Variants in BTRC observed in about 807,000 individuals in gnomAD.
BTRC encodes the protein beta-transducin repeat containing E3 ubiquitin protein ligase, also known as F-box/WD repeat-containing protein 1A.
A neutral mutation model predicts 85.5 loss-of-function variants in BTRC; 42 were observed. The observed-to-expected ratio is 0.49, with a 90% CI of 0.38 to 0.64. The LOEUF is 0.64. BTRC is among the 30% of genes least tolerant of loss of function. The pLI is 0.00. For synonymous variants in BTRC, 255 were observed against 263.3 expected (o/e 0.97, Z 0.30); for missense variants, 594 against 743.5 (o/e 0.80, Z 2.34).
chr10:101,524,344 A>G (rs1182274771), intron 5 of BTRC, among the ~76,000 whole-genome samples: 1 of 152,190 alleles, frequency 6.6e-6, no homozygotes. Flanking sequence ...ACATGTTACT[A>G]TCTCAAGCTT....
chr10:101,544,808 C>T (rs866551286), intron 13 of BTRC, among the ~76,000 whole-genome samples: 6 of 152,074 alleles, frequency 3.9e-5, no homozygotes, highest in Admixed American at 2.0e-4. Flanking sequence ...CCTGTAATCC[C>T]AGCACTTTGG....
At chr10:101,445,404 C>T (rs1246346446) in intron 2 of BTRC, among the ~76,000 whole-genome samples, 1 of 152,208 alleles carries the variant, frequency 6.6e-6, no homozygotes, top group Admixed American at 6.5e-5. Context: ...TATATTTCAA[C>T]TGCTGAGCAT....
intron 3 of BTRC, among the ~76,000 whole-genome samples, chr10:101,477,683 T>C (rs1945726212): frequency 6.6e-6 from 1 of 152,154 alleles, no homozygotes; most frequent in African/African-American, 2.4e-5. Context: ...AATGTCTTGC[T>C]CTGTTGCCCA....
chr10:101,395,351 C>G (rs1206260656), intron 1 of BTRC, among the ~76,000 whole-genome samples: 4 of 152,106 alleles, frequency 2.6e-5, no homozygotes, highest in Non-Finnish European at 5.9e-5. Flanking sequence ...TTTCCCAACA[C>G]CCTCTGTGCT....
chr10:101,354,078 C>T (rs538592524), upstream of BTRC: 4 of 1,354,060 alleles, frequency 3.0e-6, no homozygotes, highest in African/African-American at 1.5e-5. Flanking sequence ...TAAGAGAGGG[C>T]GGGGGGAAGG....
chr10:101,439,668 A>G (rs1321914757), intron 2 of BTRC, among the ~76,000 whole-genome samples: 1 of 152,242 alleles, frequency 6.6e-6, no homozygotes, highest in Non-Finnish European at 1.5e-5. Flanking sequence ...GAAAAGGGAC[A>G]GTGTTAAAGA....
chr10:101,367,927 C>T (rs1302477205), intron 1 of BTRC, among the ~76,000 whole-genome samples: 3 of 152,154 alleles, frequency 2.0e-5, no homozygotes, highest in Non-Finnish European at 4.4e-5. Flanking sequence ...TTTCCTTAAA[C>T]ATATGTACAT....
At chr10:101,398,175 G>T (rs982360857) in intron 1 of BTRC, among the ~76,000 whole-genome samples, 3 of 152,116 alleles carry the variant, frequency 2.0e-5, no homozygotes, top group African/African-American at 7.2e-5. Flanking sequence ...GTATTAAGTG[G>T]TTTAAGAGCA....
chr10:101,519,075 T>C (rs908444785), intron 4 of BTRC, among the ~76,000 whole-genome samples: 2 of 55,712 alleles, frequency 3.6e-5, no homozygotes, highest in South Asian at 4.5e-4. Flanking sequence ...TCTTCTCAGC[T>C]TTTTTTTTTT....
intron 6 of BTRC, among the ~76,000 whole-genome samples, chr10:101,527,396 A>C (rs2062208070): frequency 6.6e-6 from 1 of 152,152 alleles, no homozygotes; most frequent in Admixed American, 6.5e-5. Context: ...AGACTGTTTA[A>C]ATTTTTCTCT....
intron 4 of BTRC, among the ~76,000 whole-genome samples, chr10:101,506,006 C>T (rs562851410): frequency 1.3e-5 from 2 of 152,170 alleles, no homozygotes; most frequent in Admixed American, 6.5e-5. Context: ...CCTCCGCCTC[C>T]AGGATTCAAG....
rs1000085493 is a variant in BTRC, at chr10:101,483,447, G to T, written c.324+3990G>T. The stretch of plus-strand genomic sequence containing the variant: ...GTCTATACTAAAAGTATAAAAATTA[G>T]CTGGGCGTGGTGGCACATGCCTATA... On this transcript the variant is annotated intron_variant, in intron 4 of 14. Coordinates refer to ENST00000370187, the MANE Select transcript of BTRC (RefSeq NM_033637.4). Among the ~76,000 whole-genome samples, 7 of 152,248 alleles carry T rather than the reference G, an allele frequency of 4.6e-5. No homozygotes were observed. The South Asian group carries it at 6.2e-4, about 14-fold the overall frequency.
At chr10:101,505,293 C>G (rs983043945) in intron 4 of BTRC, among the ~76,000 whole-genome samples, 2 of 149,684 alleles carry the variant, frequency 1.3e-5, no homozygotes, top group Admixed American at 6.6e-5. Flanking sequence ...CATGAGCCAC[C>G]ATGCCTGGCC....
intron 1 of BTRC, among the ~76,000 whole-genome samples, chr10:101,410,274 A>G (rs1943740302): frequency 6.6e-6 from 1 of 152,074 alleles, no homozygotes; most frequent in Admixed American, 6.6e-5. Flanking sequence ...TGTGAAGGGT[A>G]CATTATCGTG....
chr10:101,356,781 C>G (rs947710939), intron 1 of BTRC, among the ~76,000 whole-genome samples: 5 of 152,168 alleles, frequency 3.3e-5, no homozygotes, highest in African/African-American at 1.2e-4. Context: ...GTCACAACTT[C>G]CCTTTGGTGC....
At chr10:101,414,597 GA>G (rs1943874985) in intron 1 of BTRC, 2 of 510,086 alleles carry the variant, frequency 3.9e-6, no homozygotes, top group Non-Finnish European at 7.8e-6. Context: ...AGGTATTCCA[GA>G]AAAAGGCATT....
intron 1 of BTRC, among the ~76,000 whole-genome samples, chr10:101,420,230 C>T (rs1944063043): frequency 1.3e-5 from 2 of 151,908 alleles, no homozygotes; most frequent in Admixed American, 1.3e-4. Flanking sequence ...TATGAGAAAC[C>T]TAGCTCTTAT....
chr10:101,401,675 T>C (rs953146088), intron 1 of BTRC, among the ~76,000 whole-genome samples: 1 of 150,654 alleles, frequency 6.6e-6, no homozygotes, highest in South Asian at 2.1e-4. Context: ...AAATATTGAG[T>C]GAATTAAGAA....
At chr10:101,486,116 A>G (rs1945978534) in intron 4 of BTRC, among the ~76,000 whole-genome samples, 1 of 152,220 alleles carries the variant, frequency 6.6e-6, no homozygotes, top group Admixed American at 6.5e-5. Flanking sequence ...AGAGAGAGGC[A>G]AGGCAAATAA....
Sources: allele counts gnomAD v4.1 joint callset (sites outside exome capture counted in the v4.1 genomes callset), GRCh38; gene constraint gnomAD v4.1.1; transcripts MANE v1.5; gene names NCBI Gene and HGNC (gene_info 2026-07-23, HGNC 2026-07-21).